CDH13: variants seen among roughly 807,000 people sequenced by gnomAD.
CDH13 encodes the protein cadherin 13, also known as cadherin-13.
CDH13 carries 24 observed loss-of-function variants against 63.8 expected under a neutral mutation model. The observed-to-expected ratio is 0.38, with a 90% CI of 0.27 to 0.53. The LOEUF (loss-of-function observed/expected upper bound fraction) is 0.53. Ranked by LOEUF, CDH13 falls within the 20% of genes least tolerant of loss-of-function variation. The probability of loss-of-function intolerance (pLI) is 0.85; values close to 1 mark genes in which losing one functional copy is unlikely to be tolerated. For missense variants in CDH13, 1,049 were observed against 903.1 expected, an observed-to-expected ratio of 1.16 and a Z score of -2.07; for synonymous variants, 503 against 355.3, an observed-to-expected ratio of 1.42 and a Z score of -4.67.
chr16:83,385,255 G>A (rs980870289), intron 6 of CDH13, among the ~76,000 whole-genome samples: 1 of 152,208 alleles, frequency 6.6e-6, no homozygotes, highest in Admixed American at 6.5e-5. Flanking sequence ...GTTTTTGTAA[G>A]GCAAGTAAGA....
At chr16:83,167,617 T>C (rs1230433839) in intron 4 of CDH13, among the ~76,000 whole-genome samples, 3 of 151,942 alleles carry the variant, frequency 2.0e-5, no homozygotes, top group Non-Finnish European at 4.4e-5. Flanking sequence ...TGTTCCACGT[T>C]ATCAAGACCC....
intron 3 of CDH13, among the ~76,000 whole-genome samples, chr16:83,051,118 A>G (rs4783311): frequency 0.85 from 128,900 of 152,136 alleles, 55,019 homozygotes; most frequent in East Asian, 0.98. Context: ...TTGACTTCCC[A>G]AAGAATAACT....
intron 10 of CDH13, among the ~76,000 whole-genome samples, chr16:83,695,793 T>C (rs921678068): frequency 2.2e-4 from 34 of 152,314 alleles, no homozygotes; most frequent in Middle Eastern, 3.4e-3. Flanking sequence ...AACTGTGAGA[T>C]GGGTGTGATC....
Position 83,602,443 on chromosome 16 carries a change from G to A in CDH13, c.961-11G>A. 6.2e-7 allele frequency: 1 copy of A among 1,613,896 alleles called. No homozygotes were observed. Reference sequence around the variant, plus strand: ...AATGTCATATTATTTCTTTGTGCTTGTGCTTTGTAGACTCTGGAAAATCCC... The same window carrying A: ...AATGTCATATTATTTCTTTGTGCTTATGCTTTGTAGACTCTGGAAAATCCC... On this transcript the variant is annotated splice_polypyrimidine_tract_variant and intron_variant, in intron 7 of 13. Transcript: ENST00000567109.
chr16:83,181,005 C>G (rs1305053538), intron 4 of CDH13: 5 of 1,525,016 alleles, frequency 3.3e-6, no homozygotes, highest in South Asian at 1.2e-5. Flanking sequence ...GAATAAATCA[C>G]AAACATTTTA....
At chr16:82,799,067 C>T (rs2036726190) in intron 1 of CDH13, among the ~76,000 whole-genome samples, 1 of 152,198 alleles carries the variant, frequency 6.6e-6, no homozygotes, top group Middle Eastern at 3.4e-3. Context: ...TCAAACCCAG[C>T]AATTTGTCTC....
chr16:82,770,062 T>A (rs988633038), intron 1 of CDH13, among the ~76,000 whole-genome samples: 2 of 152,268 alleles, frequency 1.3e-5, no homozygotes, highest in African/African-American at 2.4e-5. Flanking sequence ...GAGCTGGATG[T>A]CAGCCAAAGC....
intron 2 of CDH13, chr16:82,884,429 A>G (rs950730115): frequency 3.2e-5 from 10 of 315,120 alleles, no homozygotes; most frequent in African/African-American, 2.2e-4. Context: ...AGACAAAGCA[A>G]GATGCTTAGT....
chr16:82,888,070 T>G (rs991281217), intron 2 of CDH13, among the ~76,000 whole-genome samples: 1 of 152,194 alleles, frequency 6.6e-6, no homozygotes, highest in Non-Finnish European at 1.5e-5. Flanking sequence ...GGGTTTTGTT[T>G]GTTTTTGTCT....
chr16:83,746,520 A>G (rs775935471), intron 10 of CDH13, among the ~76,000 whole-genome samples: 1 of 152,200 alleles, frequency 6.6e-6, no homozygotes, highest in Non-Finnish European at 1.5e-5. Context: ...TAGGAGGTAG[A>G]TATCTTTTTC....
intron 2 of CDH13, among the ~76,000 whole-genome samples, chr16:83,026,082 A>G (rs1334295417): frequency 1.3e-5 from 2 of 152,182 alleles, no homozygotes; most frequent in African/African-American, 4.8e-5. Flanking sequence ...CAAAGACCCA[A>G]TTATGCAACT....
intron 9 of CDH13, among the ~76,000 whole-genome samples, chr16:83,676,522 G>C (rs1454408477): frequency 2.0e-5 from 3 of 152,202 alleles, no homozygotes; most frequent in African/African-American, 7.2e-5. Flanking sequence ...GCACATTCTG[G>C]CATCACTTGG....
chr16:83,740,730 C>T (rs1447088709), intron 10 of CDH13, among the ~76,000 whole-genome samples: 1 of 152,110 alleles, frequency 6.6e-6, no homozygotes, highest in Non-Finnish European at 1.5e-5. Context: ...CTGCCCTGTT[C>T]TCAGCTGTTA....
chr16:82,796,664 C>T (rs77407312), intron 1 of CDH13, among the ~76,000 whole-genome samples: 56 of 152,324 alleles, frequency 3.7e-4, no homozygotes, highest in African/African-American at 1.3e-3. Flanking sequence ...TGTAATGCCT[C>T]GCTCAATCAG....
At chr16:83,553,004 A>G (rs544812203) in intron 7 of CDH13, among the ~76,000 whole-genome samples, 68 of 151,600 alleles carry the variant, frequency 4.5e-4, no homozygotes, top group Non-Finnish European at 5.7e-4. Context: ...ACTTGAACCC[A>G]GGAGGCAGAG....
At chr16:82,825,431 T>A (rs1410143649) in intron 1 of CDH13, 1 of 151,822 alleles carries the variant, frequency 6.6e-6, no homozygotes, top group Admixed American at 6.5e-5. Context: ...TCTTGATACT[T>A]CAAAAAAACA....
At chr16:83,165,343 G>T (rs530056553) in intron 4 of CDH13, among the ~76,000 whole-genome samples, 43 of 151,928 alleles carry the variant, frequency 2.8e-4, no homozygotes, top group Non-Finnish European at 4.7e-4. Context: ...GTAGATGATA[G>T]ATGATGGATA....
chr16:82,705,498 T>G (rs2031417776), intron 1 of CDH13, among the ~76,000 whole-genome samples: 1 of 152,172 alleles, frequency 6.6e-6, no homozygotes, highest in Non-Finnish European at 1.5e-5. Context: ...CTCAACTACT[T>G]TTTGATTGTG....
At chr16:82,879,309 C>A (rs1162007902) in intron 2 of CDH13, among the ~76,000 whole-genome samples, 1 of 151,850 alleles carries the variant, frequency 6.6e-6, no homozygotes, top group African/African-American at 2.4e-5. Context: ...GAAGGAAAAT[C>A]TGAGGCTGGT....
Sources: allele counts gnomAD v4.1 joint callset (sites outside exome capture counted in the v4.1 genomes callset), GRCh38; gene constraint gnomAD v4.1.1; transcripts MANE v1.5; gene names NCBI Gene and HGNC (gene_info 2026-07-23, HGNC 2026-07-21).